Variants in IRAK1BP1 observed in about 807,000 individuals in gnomAD.
The protein encoded by IRAK1BP1 is interleukin-1 receptor-associated kinase 1-binding protein 1.
A neutral mutation model predicts 28.0 loss-of-function variants in IRAK1BP1; 24 were observed. The ratio of observed to expected loss-of-function variants is 0.86; its 90% CI spans 0.62 to 1.20. IRAK1BP1 has a LOEUF of 1.20. Ranked by LOEUF, IRAK1BP1 falls within the 50% of genes most tolerant of loss-of-function variation. The probability of loss-of-function intolerance (pLI) is 0.00; values close to 1 mark genes in which losing one functional copy is unlikely to be tolerated. For missense variants in IRAK1BP1, 336 were observed against 316.7 expected (o/e 1.06, Z -0.46); for synonymous variants, 131 against 116.3 (o/e 1.13, Z -0.81).
At position 78,918,502 on chromosome 6, in the gene IRAK1BP1, T is replaced by G. The variant is rs549114627; in HGVS notation, c.*67+15392T>G. Among the ~76,000 whole-genome samples the G allele has an allele frequency of 1.4e-3, 202 of 147,372 alleles. 1 individual carries two copies. Among genetic ancestry groups the G allele is most frequent in the African/African-American group, 4.2e-3 (166 of 39,510 alleles). On this transcript the variant is annotated intron_variant and NMD_transcript_variant, in intron 4 of 4. Transcript: ENST00000606868. ...TCAGAGTAAAGGGCTGGGGAAAGAT[T>G]TATTACTCATACAGAAAAAAAAAGC...
rs1771380394 is a variant in IRAK1BP1 at position 78,885,363 on chromosome 6, CTT to C, written c.316-11_316-10del. ...AATATTTAGTAATCATACTCTTGGA[CTT>C]TTTCTGTTTCAGGCAGAAAATATAA... is the stretch of plus-strand genomic sequence containing the variant. On this transcript the variant is annotated splice_polypyrimidine_tract_variant and intron_variant, in intron 1 of 3. Transcript: ENST00000369940. 2.0e-6 allele frequency: 3 copies of C among 1,504,734 alleles called. No homozygotes were observed. Among genetic ancestry groups the C allele is most frequent in the African/African-American group, 2.8e-5 (2 of 72,414 alleles). 93.2% of individuals were successfully genotyped at this position (1,504,734 alleles called of 1,614,324 possible).
At chr6:78,965,526 A>C in the IRAK1BP1 span, among the ~76,000 whole-genome samples, 1 of 152,214 alleles carries the variant, frequency 6.6e-6, no homozygotes, top group Non-Finnish European at 1.5e-5. Flanking sequence ...AGTTATATCT[A>C]TCTTCTTCAC....
chr6:78,894,001 A>T (rs941426044), intron 2 of IRAK1BP1, among the ~76,000 whole-genome samples: 1 of 152,236 alleles, frequency 6.6e-6, no homozygotes, highest in Non-Finnish European at 1.5e-5. Context: ...CACAAAGGTC[A>T]AGAAGGGAAG....
chr6:78,878,992 T>C (rs1209159903), intron 1 of IRAK1BP1, among the ~76,000 whole-genome samples: 1 of 152,160 alleles, frequency 6.6e-6, no homozygotes, highest in Non-Finnish European at 1.5e-5. Context: ...AATATGCGAC[T>C]ATGTGAAAAG....
intron 1 of IRAK1BP1, among the ~76,000 whole-genome samples, chr6:78,884,581 T>C (rs1400553908): frequency 6.6e-6 from 1 of 152,138 alleles, no homozygotes; most frequent in Non-Finnish European, 1.5e-5. Context: ...CCACTTTTGG[T>C]GAGTGCCTTC....
At chr6:78,958,992 A>T in the IRAK1BP1 span, among the ~76,000 whole-genome samples, 1 of 152,108 alleles carries the variant, frequency 6.6e-6, no homozygotes, top group Non-Finnish European at 1.5e-5. Context: ...AAAAGGAAAC[A>T]AGTAATTTTA....
downstream of IRAK1BP1, among the ~76,000 whole-genome samples, chr6:78,949,067 T>C (rs1312955018): frequency 1.3e-5 from 2 of 152,176 alleles, no homozygotes; most frequent in Non-Finnish European, 2.9e-5. Context: ...CATTCCTAAT[T>C]CTTAGGGGGA....
chr6:78,928,832 G>A (rs996977536), intron 4 of IRAK1BP1, among the ~76,000 whole-genome samples: 1 of 152,048 alleles, frequency 6.6e-6, no homozygotes, highest in African/African-American at 2.4e-5. Flanking sequence ...TGTATATGTT[G>A]ACCTATCCTT....
At chr6:78,885,086 C>T (rs372101675) in intron 1 of IRAK1BP1, among the ~76,000 whole-genome samples, 16 of 151,788 alleles carry the variant, frequency 1.1e-4, no homozygotes, top group Admixed American at 7.2e-4. Context: ...GCAATTTTAC[C>T]GTATTGTGAT....
rs951863117 is a variant in IRAK1BP1 at position 78,885,315 on chromosome 6, T to G, written c.316-63T>G. 23 of 908,718 alleles carry G rather than the reference T, an allele frequency of 2.5e-5. No individual in the cohort carries two copies. In the Admixed American group the frequency reaches 5.3e-4, roughly 21 times the overall value. 56.3% of individuals were successfully genotyped at this position (908,718 alleles called of 1,614,324 possible). On this transcript the variant is annotated intron_variant, in intron 1 of 3. Transcript: ENST00000369940. ...TTTTAATTAGTGTAGGTTTCTAATT[T>G]ATGTTTTAGAGTAATTGCATCAAAT...
chr6:78,972,164 T>A, the IRAK1BP1 span, among the ~76,000 whole-genome samples: 2 of 150,024 alleles, frequency 1.3e-5, no homozygotes, highest in Admixed American at 6.6e-5. Flanking sequence ...GTTCTCCCAG[T>A]ACGCAGCTGG....
In IRAK1BP1 at chr6:78,885,408, A is replaced by T. The variant is rs780006567; in HGVS notation, c.346A>T (p.Arg116Trp). Residue 116 changes from arginine to tryptophan, a missense_variant, in exon 2 of 4, where the codon AGG (arginine) becomes TGG (tryptophan). Arg to Trp is a moderately radical substitution (Grantham distance 101). Coordinates refer to ENST00000369940, the MANE Select transcript of IRAK1BP1 (RefSeq NM_001010844.4). ...AENITVTKDFRRVENAYHMEA... is the reference protein window; with the variant it reads ...AENITVTKDFWRVENAYHMEA... ...AAATATAACTGTGACAAAGGATTTT[A>T]GGAGAGTGGAAAATGCTTATCACAT... The T allele has an allele frequency of 6.3e-7, 1 of 1,583,678 alleles. No homozygotes were observed. The highest frequency in any genetic ancestry group is 1.1e-5 in the South Asian group (1 of 88,688).
At chr6:78,972,360 C>T in the IRAK1BP1 span, among the ~76,000 whole-genome samples, 25 of 152,284 alleles carry the variant, frequency 1.6e-4, no homozygotes, top group African/African-American at 4.8e-4. Flanking sequence ...AGGACATCCA[C>T]ATCAAAAACC....
the IRAK1BP1 span, chr6:78,961,893 A>T: frequency 9.4e-7 from 1 of 1,066,418 alleles, no homozygotes; most frequent in Non-Finnish European, 1.4e-6. Flanking sequence ...TTAAGACTTA[A>T]AAAGTCCTAA....
At position 78,898,674 on chromosome 6, in the gene IRAK1BP1, T is replaced by C. The variant is rs1353421640; in HGVS notation, c.*340T>C. 6.6e-6 allele frequency: 1 copy of C among 151,790 alleles called. No homozygotes were observed. Among genetic ancestry groups the C allele is most frequent in the Non-Finnish European group, 1.5e-5 (1 of 67,926 alleles). The allele number at this position is 151,790 out of a possible 1,614,324, so 9.4% of individuals were successfully genotyped here. A position where few individuals can be genotyped will look rare whatever the true frequency, so the allele number is the denominator to read the frequency against. ...TTGCATTTCATAATTTTTAAAGATA[T>C]TTAAGCTAAAATTTTCTCAGCCACA... On this transcript the variant is annotated 3_prime_UTR_variant, in exon 4 of 4. Coordinates refer to ENST00000369940, the MANE Select transcript of IRAK1BP1 (RefSeq NM_001010844.4).
chr6:78,940,529 T>C (rs1406992723), intron 4 of IRAK1BP1: 1 of 186,454 alleles, frequency 5.4e-6, no homozygotes, highest in African/African-American at 2.5e-5. Context: ...TTTAAAGAAG[T>C]GAAGTGTCTC....
rs976286268 is a variant in IRAK1BP1, at chr6:78,898,257, G to T, written c.706G>T (p.Ala236Ser). The change falls in exon 4 of 4, where the codon GCA becomes TCA. Residue 236 changes from alanine (A) to serine (S), a missense_variant. By Grantham distance (99) the Ala-to-Ser change is moderately conservative. Transcript: ENST00000369940. ...SLTVQQKIKS[A>S]TIHAASKVFI... Reference sequence around the variant, plus strand: ...AACTGTACAACAAAAAATCAAAAGTGCAACAATACATGCTGCTTCAAAAGT... The same window carrying T: ...AACTGTACAACAAAAAATCAAAAGTTCAACAATACATGCTGCTTCAAAAGT... The T allele has an allele frequency of 6.2e-7, 1 of 1,612,836 alleles. No individual in the cohort carries two copies. Among genetic ancestry groups the T allele is most frequent in the Non-Finnish European group, 8.5e-7 (1 of 1,179,462 alleles).
chr6:78,949,901 C>T (rs185823576), downstream of IRAK1BP1, among the ~76,000 whole-genome samples: 208 of 152,206 alleles, frequency 1.4e-3, no homozygotes, highest in African/African-American at 4.6e-3. Flanking sequence ...ATTGCTCAGA[C>T]TGGTCTCAAA....
downstream of IRAK1BP1, chr6:78,946,745 T>G (rs368000937): frequency 1.9e-6 from 3 of 1,589,876 alleles, no homozygotes; most frequent in Non-Finnish European, 2.6e-6. Flanking sequence ...GAGCTGCTTC[T>G]GTTTCTTTTC....
Sources: gnomAD v4.1 joint callset for allele counts (sites outside exome capture counted in the v4.1 genomes callset) on GRCh38, gnomAD v4.1.1 for gene constraint, MANE v1.5 for transcripts, NCBI Gene and HGNC (gene_info 2026-07-23, HGNC 2026-07-21) for gene names.